Variants in LYPD6B observed in about 807,000 individuals in gnomAD.
LYPD6B encodes the protein ly6/PLAUR domain-containing protein 6B.
LYPD6B carries 17 observed loss-of-function variants against 22.8 expected under a neutral mutation model. The ratio of observed to expected loss-of-function variants is 0.75; its 90% CI spans 0.51 to 1.12. LYPD6B has a LOEUF of 1.12. Among genes scored for constraint, LYPD6B ranks in the 50% most tolerant of loss-of-function variants. The pLI is 0.00. For missense variants in LYPD6B, 221 were observed against 258.3 expected, an observed-to-expected ratio of 0.86 and a Z score of 0.99; for synonymous variants, 106 against 91.6, an observed-to-expected ratio of 1.16 and a Z score of -0.90.
chr2:149,073,920 G>C (rs541801495), intron 1 of LYPD6B, among the ~76,000 whole-genome samples: 97 of 152,124 alleles, frequency 6.4e-4, no homozygotes, highest in African/African-American at 2.2e-3. Flanking sequence ...ACGGCTGTAC[G>C]AAAGGAGAAG....
At chr2:149,153,458 G>A (rs961559942) in intron 2 of LYPD6B, among the ~76,000 whole-genome samples, 4 of 151,268 alleles carry the variant, frequency 2.6e-5, no homozygotes, top group Non-Finnish European at 2.9e-5. Flanking sequence ...GGTATGATCA[G>A]TAAAGGAAAC....
chr2:149,045,711 T>A (rs1279487273), intron 1 of LYPD6B, among the ~76,000 whole-genome samples: 1 of 152,166 alleles, frequency 6.6e-6, no homozygotes, highest in Non-Finnish European at 1.5e-5. Context: ...TAGAAGTTTT[T>A]CTGTTATTGA....
intron 3 of LYPD6B, among the ~76,000 whole-genome samples, chr2:149,164,746 G>C (rs1242815543): frequency 3.3e-5 from 5 of 152,160 alleles, no homozygotes; most frequent in African/African-American, 1.2e-4. Flanking sequence ...CTGCCTCACT[G>C]GCCCTAGGTG....
chr2:149,106,581 C>T (rs1686482415), intron 1 of LYPD6B, among the ~76,000 whole-genome samples: 1 of 151,644 alleles, frequency 6.6e-6, no homozygotes, highest in Non-Finnish European at 1.5e-5. Flanking sequence ...TATAATATTC[C>T]CTTACTGCAT....
intron 6 of LYPD6B, among the ~76,000 whole-genome samples, chr2:149,213,914 C>T (rs967893845): frequency 1.3e-5 from 2 of 152,166 alleles, no homozygotes; most frequent in Non-Finnish European, 2.9e-5. Context: ...GAGTTGATGC[C>T]TTTATCATAC....
intron 1 of LYPD6B, among the ~76,000 whole-genome samples, chr2:149,041,124 T>C (rs1434836415): frequency 7.1e-6 from 1 of 141,014 alleles, no homozygotes; most frequent in African/African-American, 2.7e-5. Context: ...AAAAAGAAAA[T>C]GAGAAGGGCT....
chr2:149,095,672 A>C (rs994555722), intron 1 of LYPD6B, among the ~76,000 whole-genome samples: 4 of 152,142 alleles, frequency 2.6e-5, no homozygotes, highest in Non-Finnish European at 5.9e-5. Context: ...AAGAGATCTC[A>C]AGTAAGTGAA....
At chr2:149,048,256 G>C (rs1017699188) in intron 1 of LYPD6B, among the ~76,000 whole-genome samples, 2 of 152,086 alleles carry the variant, frequency 1.3e-5, no homozygotes. Context: ...GAATGGGCAC[G>C]CCGTTCTCTT....
At chr2:149,147,196 C>G (rs1313190388) in intron 2 of LYPD6B, among the ~76,000 whole-genome samples, 2 of 152,104 alleles carry the variant, frequency 1.3e-5, no homozygotes, top group African/African-American at 4.8e-5. Flanking sequence ...GCCTCAAACT[C>G]TACGTGTTCA....
chr2:149,214,452 T>G, intron 6 of LYPD6B, 94 bp from the exon 7 acceptor site: 1 of 1,329,112 alleles, frequency 7.5e-7, no homozygotes, highest in Non-Finnish European at 1.1e-6. Flanking sequence ...TGTCTTCAGA[T>G]AGAGCTCAAG....
intron 1 of LYPD6B, among the ~76,000 whole-genome samples, chr2:149,075,382 T>C (rs1470361870): frequency 6.6e-6 from 1 of 152,340 alleles, no homozygotes; most frequent in African/African-American, 2.4e-5. Context: ...TTTATGGCTG[T>C]GGTTTGACGT....
At chr2:149,045,472 C>G (rs189014770) in intron 1 of LYPD6B, among the ~76,000 whole-genome samples, 389 of 151,964 alleles carry the variant, frequency 2.6e-3, no homozygotes, top group African/African-American at 9.0e-3. Context: ...TTAATGTACT[C>G]TTCTATTTTT....
chr2:149,131,391 G>A (rs1250751390), intron 2 of LYPD6B: 3 of 157,820 alleles, frequency 1.9e-5, no homozygotes, highest in African/African-American at 7.2e-5. Context: ...TTGCCAATAG[G>A]TCTAAATAAC....
intron 3 of LYPD6B, among the ~76,000 whole-genome samples, chr2:149,176,662 CAG>C (rs1485781544): frequency 1.3e-5 from 2 of 152,134 alleles, no homozygotes; most frequent in Non-Finnish European, 2.9e-5. Context: ...ATTTGATTCA[CAG>C]ACTTCCAAAC....
At chr2:149,070,251 C>A (rs1234132779) in intron 1 of LYPD6B, among the ~76,000 whole-genome samples, 4 of 152,098 alleles carry the variant, frequency 2.6e-5, no homozygotes, top group Non-Finnish European at 5.9e-5. Context: ...TCTCCCCCTG[C>A]AAGACTCTTC....
chr2:149,061,972 C>CTT lies in LYPD6B; in HGVS notation c.-67+23184_-67+23185dup, dbSNP rs780959897. On this transcript the variant is annotated intron_variant, in intron 1 of 6. Coordinates refer to ENST00000409642, the MANE Select transcript of LYPD6B (RefSeq NM_177964.5). ...ATAGGAAGGAGAAACATCGTAGAAT[C>CTT]TTTTTTTTTTTTTTGAGATGGAGTT... 3.2e-3 allele frequency among the ~76,000 whole-genome samples: 457 copies of CTT among 142,726 alleles called. 4 individuals carry two copies. The highest frequency in any genetic ancestry group is 0.011 in the African/African-American group (430 of 39,108). The allele number at this position is 142,726 out of a possible 152,430, so 93.6% of individuals were successfully genotyped here.
At chr2:149,150,208 A>ATGGGTTGC (rs1455665639) in intron 2 of LYPD6B, among the ~76,000 whole-genome samples, 1 of 152,066 alleles carries the variant, frequency 6.6e-6, no homozygotes, top group Non-Finnish European at 1.5e-5. Context: ...GTTAATGTGG[A>ATGGGTTGC]TGGGTTGCTC....
chr2:149,143,610 C>G (rs1466363528), intron 2 of LYPD6B, among the ~76,000 whole-genome samples: 1 of 151,732 alleles, frequency 6.6e-6, no homozygotes, highest in East Asian at 1.9e-4. Context: ...TCAATCTCAG[C>G]AGATCTCTCC....
At chr2:149,137,725 AAAC>A (rs1469463645) in intron 2 of LYPD6B, among the ~76,000 whole-genome samples, 14 of 152,206 alleles carry the variant, frequency 9.2e-5, no homozygotes, top group African/African-American at 3.4e-4. Flanking sequence ...TTTCTTTCAT[AAAC>A]AACACATCTG....
Sources: allele counts gnomAD v4.1 joint callset (sites outside exome capture counted in the v4.1 genomes callset), GRCh38; gene constraint gnomAD v4.1.1; transcripts MANE v1.5; gene names NCBI Gene and HGNC (gene_info 2026-07-23, HGNC 2026-07-21).